Variants in AKT1 observed in about 807,000 individuals in gnomAD.
The protein encoded by AKT1 is AKT serine/threonine kinase 1, also known as RAC-alpha serine/threonine-protein kinase.
A neutral mutation model predicts 63.1 loss-of-function variants in AKT1; 21 were observed. The observed-to-expected ratio is 0.33, with a 90% confidence interval of 0.24 to 0.48. AKT1 has a LOEUF of 0.48. AKT1 is among the 20% of genes least tolerant of loss of function. The pLI, the probability that AKT1 is intolerant of heterozygous loss-of-function variation, is 0.99. For missense variants in AKT1, 382 were observed against 666.0 expected (o/e 0.57, Z 4.69); for synonymous variants, 257 against 253.1 (o/e 1.02, Z -0.15).
rs938898648 is a variant in AKT1 at position 104,795,121 on chromosome 14, G to C, written c.-258+363C>G. 6.6e-6 allele frequency: 1 copy of C among 152,102 alleles called. No homozygotes were observed. Among genetic ancestry groups the C allele is most frequent in the Non-Finnish European group, 1.5e-5 (1 of 67,990 alleles). The allele number at this position is 152,102 out of a possible 1,614,324, so 9.4% of individuals were successfully genotyped here. A position where few individuals can be genotyped will look rare whatever the true frequency, so the allele number is the denominator to read the frequency against. On this transcript the variant is annotated intron_variant, in intron 1 of 14. Coordinates refer to ENST00000649815, the MANE Select transcript of AKT1 (RefSeq NM_001382430.1). This position sits in a 1 kb window ranked among gnomAD's most constrained non-coding sequence, Gnocchi z 5.1. ...CCGGGGCACCTCCGCCGGCTGCCTC[G>C]CTGGCCCAGCGCCCGGGGAGCCCCA...
chr14:104,789,009 C>G (rs1284241996), intron 3 of AKT1, among the ~76,000 whole-genome samples: 1 of 152,220 alleles, frequency 6.6e-6, no homozygotes, highest in African/African-American at 2.4e-5. Flanking sequence ...TCAGGAGCGT[C>G]TGCCGCGTAA....
In AKT1 at chr14:104,773,309, A is replaced by G. The variant is rs1892504590; in HGVS notation, c.899T>C (p.Ile300Thr). Residue 300 changes from isoleucine to threonine, a missense_variant, in exon 11 of 15, where the codon ATC becomes ACC. Ile to Thr is a moderately conservative substitution (Grantham distance 89). Transcript: ENST00000649815. ...GGTCTTCATGGTGGCACCGTCCTTG[A>G]TCCCCTCCTTGCACAGCCCGAAGTC... Reference protein sequence around the residue: ...ITDFGLCKEGIKDGATMKTFC... With the variant: ...ITDFGLCKEGTKDGATMKTFC... 6.2e-7 allele frequency: 1 copy of G among 1,614,144 alleles called. No homozygotes were observed. Among genetic ancestry groups the G allele is most frequent in the Non-Finnish European group, 8.5e-7 (1 of 1,179,998 alleles).
At chr14:104,792,166 TC>T (rs1320844908) in intron 3 of AKT1, among the ~76,000 whole-genome samples, 3 of 151,908 alleles carry the variant, frequency 2.0e-5, no homozygotes, top group South Asian at 2.1e-4. Flanking sequence ...CGGTACGGAT[TC>T]CCCCCACCCC....
rs909012059 is a variant in AKT1, at chr14:104,770,142, G to T, written c.*199C>A. 6.5e-6 allele frequency: 4 copies of T among 618,050 alleles called. No homozygotes were observed. The highest frequency in any genetic ancestry group is 5.7e-5 in the South Asian group (3 of 52,448). 38.3% of individuals were successfully genotyped at this position (618,050 alleles called of 1,614,324 possible). A position where few individuals can be genotyped will look rare whatever the true frequency, so the allele number is the denominator to read the frequency against. On this transcript the variant is annotated 3_prime_UTR_variant, in exon 15 of 15. Transcript: ENST00000649815. ...AACTGGATGAAATAAATTAAAACCC[G>T]CAGGATAGTTTTCTTCCCTACCCCG...
intron 13 of AKT1, 116 bp from the exon 14 acceptor site, chr14:104,770,963 C>T: frequency 1.1e-6 from 1 of 896,494 alleles, no homozygotes; most frequent in Non-Finnish European, 1.7e-6. Context: ...CCAGGCAGGA[C>T]TGATGTCAGA....
In AKT1 at chr14:104,777,744, A is replaced by G. The variant is rs1023014482; in HGVS notation, c.176-974T>C. 19 of 985,356 alleles carry G rather than the reference A, an allele frequency of 1.9e-5. No individual in the cohort carries two copies. The African/African-American group carries it at 3.1e-4, about 16-fold the overall frequency. The allele number at this position is 985,356 out of a possible 1,614,324, so 61.0% of individuals were successfully genotyped here. ...GCCAGTGGGGGGCCTCTGACATTCC[A>G]GCATCGAGGCCCTGGCAACCACAAG... On this transcript the variant is annotated intron_variant, in intron 4 of 14. Coordinates refer to ENST00000649815, the MANE Select transcript of AKT1 (RefSeq NM_001382430.1).
In AKT1 at chr14:104,780,149, G is replaced by A. The variant is rs752588225; in HGVS notation, c.114C>T (p.Tyr38=). Residue 38 remains tyrosine, a synonymous_variant, in exon 4 of 15, where the codon TAC becomes TAT. Transcript: ENST00000649815. ...LLKNDGTFIG[Y]KERPQDVDQR... ...GGTCCACATCCTGCGGCCGCTCCTT[G>A]TAGCCAATGAAGGTGCCATCATTCT... The A allele has an allele frequency of 1.9e-6, 3 of 1,613,666 alleles. No homozygotes were observed. In the South Asian group the frequency reaches 3.3e-5, roughly 18 times the overall value.
At chr14:104,776,837 C>T (rs946661206) in intron 4 of AKT1, 67 bp from the exon 5 acceptor site, 52 of 1,366,974 alleles carry the variant, frequency 3.8e-5, no homozygotes, top group African/African-American at 3.7e-4. Flanking sequence ...CACCACAGCC[C>T]CCGCTGCACC....
intron 14 of AKT1, 51 bp downstream of exon 14, chr14:104,770,694 C>T (rs1016839015): frequency 6.7e-7 from 1 of 1,494,378 alleles, no homozygotes; most frequent in South Asian, 1.1e-5. Context: ...GCAGGCCTCT[C>T]TGAGTGTGGA....
rs1212249871 is a variant in AKT1 at position 104,792,758 on chromosome 14, G to A, written c.-79-36C>T. The A allele has an allele frequency of 2.2e-5, 29 of 1,331,214 alleles. No homozygotes were observed. In the South Asian group the frequency reaches 2.5e-4, roughly 11 times the overall value. 82.5% of individuals were successfully genotyped at this position (1,331,214 alleles called of 1,614,324 possible). A position where few individuals can be genotyped will look rare whatever the true frequency, so the allele number is the denominator to read the frequency against. ...CAAAGGAAGCTGAATGTGAGGCCAC[G>A]CCTGGCTAAGGGCAGCTCCTCGCCC... On this transcript the variant is annotated intron_variant, in intron 2 of 14. Transcript: ENST00000649815.
chr14:104,785,677 A>G (rs954360504), intron 3 of AKT1, among the ~76,000 whole-genome samples: 8 of 152,184 alleles, frequency 5.3e-5, no homozygotes, highest in Non-Finnish European at 8.8e-5. Flanking sequence ...GAGAGACCCC[A>G]GGTCCTGCCG....
At chr14:104,794,493 AC>A (rs1168520989) in intron 1 of AKT1, 7 of 152,202 alleles carry the variant, frequency 4.6e-5, no homozygotes, top group African/African-American at 1.4e-4. Flanking sequence ...CAGCCTCCGT[AC>A]CTGCCGCCTG....
At chr14:104,784,801 G>C (rs998962273) in intron 3 of AKT1, among the ~76,000 whole-genome samples, 2 of 152,136 alleles carry the variant, frequency 1.3e-5, no homozygotes, top group Non-Finnish European at 2.9e-5. Flanking sequence ...GGACCCACGC[G>C]CCATGGGCAG....
intron 13 of AKT1, chr14:104,772,149 A>G: frequency 1.7e-6 from 1 of 604,584 alleles, no homozygotes; most frequent in Non-Finnish European, 3.0e-6. Context: ...GGAAATGAGG[A>G]CCAGGCCAGT....
At chr14:104,775,601 CCA>C in intron 6 of AKT1, 49 bp downstream of exon 6, 1 of 1,596,366 alleles carries the variant, frequency 6.3e-7, no homozygotes, top group Non-Finnish European at 8.5e-7. Context: ...ACCCAGCCCT[CCA>C]CAGTCCAAGG....
chr14:104,773,829 T>G, intron 9 of AKT1, 83 bp downstream of exon 9: 1 of 1,400,940 alleles, frequency 7.1e-7, no homozygotes, highest in Non-Finnish European at 9.9e-7. Flanking sequence ...CCATGGAGAG[T>G]AGCCGAGGCT....
Position 104,769,764 on chromosome 14 carries a change from C to T in AKT1, c.*577G>A, listed in dbSNP as rs1892271338. On this transcript the variant is annotated 3_prime_UTR_variant, in exon 15 of 15. Coordinates refer to ENST00000649815, the MANE Select transcript of AKT1 (RefSeq NM_001382430.1). ...TCCCACTGGGTAAACCCTGGCCCAT[C>T]CCCCATCCCTGGTCCCATCCCAGGG... 2.6e-6 allele frequency: 1 copy of T among 389,546 alleles called. No individual in the cohort carries two copies. The highest frequency in any genetic ancestry group is 4.8e-6 in the Non-Finnish European group (1 of 206,642). The allele number at this position is 389,546 out of a possible 1,614,324, so 24.1% of individuals were successfully genotyped here.
intron 3 of AKT1, among the ~76,000 whole-genome samples, chr14:104,787,560 G>A (rs1212394853): frequency 2.0e-5 from 3 of 152,228 alleles, no homozygotes; most frequent in East Asian, 1.9e-4. Flanking sequence ...CGGGGGCCGC[G>A]CCAGTTCCCT....
intron 3 of AKT1, among the ~76,000 whole-genome samples, chr14:104,783,459 C>A (rs1423825321): frequency 2.0e-5 from 3 of 152,028 alleles, no homozygotes; most frequent in African/African-American, 4.8e-5. Context: ...CACAGAGGGG[C>A]CTTCCATCTC....
Sources: allele counts gnomAD v4.1 joint callset (sites outside exome capture counted in the v4.1 genomes callset), GRCh38; gene constraint gnomAD v4.1.1; non-coding constraint Gnocchi (gnomAD v3.1); transcripts MANE v1.5; gene names NCBI Gene and HGNC (gene_info 2026-07-23, HGNC 2026-07-21).